Variants in ZAR1L observed in about 807,000 individuals in gnomAD.
ZAR1L encodes protein ZAR1-like.
A neutral mutation model predicts 30.0 loss-of-function variants in ZAR1L; 16 were observed. That is an observed-to-expected ratio of 0.53 (90% CI 0.36 to 0.81). The LOEUF is 0.81. Ranked by LOEUF, ZAR1L falls within the 30% of genes least tolerant of loss-of-function variation. The pLI is 0.00. For synonymous variants in ZAR1L, 197 were observed against 166.8 expected (o/e 1.18, Z -1.40); for missense variants, 392 against 417.2 (o/e 0.94, Z 0.53).
chr13:32,309,504 G>A (rs1293771653), intron 4 of ZAR1L, among the ~76,000 whole-genome samples: 1 of 152,138 alleles, frequency 6.6e-6, no homozygotes, highest in African/African-American at 2.4e-5. Flanking sequence ...TCTAGGCTTT[G>A]TGCAATTTCC....
At position 32,311,291 on chromosome 13, in the gene ZAR1L, A is replaced by G. The variant is rs1471325741; in HGVS notation, c.635T>C (p.Leu212Pro). ...QVPGDAASEP[L>P]RRPNFQFLEP... ...ATCTACCTGGAAGTTGGGCCTCCGG[A>G]GCGGCTCGGAGGCGGCGTCTCCAGG... Residue 212 changes from leucine to proline, a missense_variant, in exon 3 of 6, where the codon CTC (leucine) becomes CCC (proline). Leu to Pro is a moderately conservative substitution (Grantham distance 98, BLOSUM62 -3). Coordinates refer to ENST00000533490, the MANE Select transcript of ZAR1L (RefSeq NM_001136571.2). The G allele has an allele frequency of 1.3e-6, 2 of 1,548,818 alleles. No individual in the cohort carries two copies. The highest frequency in any genetic ancestry group is 2.0e-5 in the Admixed American group (1 of 50,824).
Position 32,311,509 on chromosome 13 carries a change from G to A in ZAR1L, c.417C>T (p.Arg139=), listed in dbSNP as rs1193339153. The part of the protein sequence containing the change: ...ACGVTSPATG[R]RGLIRLRRDG... Reference sequence around the variant, plus strand: ...CTCTCCGCAGGCGGATCAAGCCCCTGCGGCCGGTGGCGGGCGAAGTGACCC... The same window carrying A: ...CTCTCCGCAGGCGGATCAAGCCCCTACGGCCGGTGGCGGGCGAAGTGACCC... The change falls in exon 3 of 6, where the codon CGC becomes CGT. Residue 139 remains arginine, a synonymous_variant. Coordinates refer to ENST00000533490, the MANE Select transcript of ZAR1L (RefSeq NM_001136571.2). 2 of 1,538,806 alleles carry A rather than the reference G, an allele frequency of 1.3e-6. No homozygotes were observed. The highest frequency in any genetic ancestry group is 1.8e-6 in the Non-Finnish European group (2 of 1,142,198).
intron 2 of ZAR1L, among the ~76,000 whole-genome samples, chr13:32,312,619 T>C (rs1398252867): frequency 2.6e-5 from 4 of 152,148 alleles, no homozygotes; most frequent in Non-Finnish European, 4.4e-5. Flanking sequence ...GGCTCACACC[T>C]GTAATCCCAG....
At chr13:32,308,155 G>C (rs2072189574) in intron 5 of ZAR1L, among the ~76,000 whole-genome samples, 1 of 152,080 alleles carries the variant, frequency 6.6e-6, no homozygotes, top group Non-Finnish European at 1.5e-5. Flanking sequence ...TAAGGACTTA[G>C]GTTAAAAAAC....
At position 32,311,670 on chromosome 13, in the gene ZAR1L, G is replaced by T. The variant is rs1029361462; in HGVS notation, c.256C>A (p.Pro86Thr). Reference protein sequence around the residue: ...NPSLSPRLCKPNTKEVGVQVS... With the variant: ...NPSLSPRLCKTNTKEVGVQVS... Reference sequence around the variant, plus strand: ...TGCACGCCCACCTCCTTGGTGTTGGGCTTGCACAGCCGCGGGCTCAGGCTG... The same window carrying T: ...TGCACGCCCACCTCCTTGGTGTTGGTCTTGCACAGCCGCGGGCTCAGGCTG... Residue 86 changes from proline (P) to threonine (T), a missense_variant, in exon 3 of 6, where the codon CCC becomes ACC. Coordinates refer to ENST00000533490, the MANE Select transcript of ZAR1L (RefSeq NM_001136571.2). The T allele has an allele frequency of 6.4e-7, 1 of 1,551,514 alleles. No individual in the cohort carries two copies. Among genetic ancestry groups the T allele is most frequent in the Non-Finnish European group, 8.7e-7 (1 of 1,146,988 alleles).
intron 5 of ZAR1L, 58 bp downstream of exon 5, chr13:32,308,628 C>T (rs2072192394): frequency 2.3e-6 from 3 of 1,299,058 alleles, no homozygotes; most frequent in Admixed American, 4.1e-5. Flanking sequence ...CATTTTGTCA[C>T]AGAGGCTTCA....
intron 5 of ZAR1L, among the ~76,000 whole-genome samples, chr13:32,305,294 T>C (rs1434196052): frequency 6.6e-6 from 1 of 152,170 alleles, no homozygotes; most frequent in Non-Finnish European, 1.5e-5. Context: ...TGGCGCTATC[T>C]TGGCTCACTG....
In ZAR1L at chr13:32,314,476, T is replaced by TTAC. The variant is rs2072235375; in HGVS notation, c.-318_-316dup. On this transcript the variant is annotated 5_prime_UTR_variant, in exon 2 of 6. Transcript: ENST00000533490. Reference sequence around the variant, plus strand: ...CCTATTCAGCCTTGTATTAGGCATGTTACAGAACCAACGAATTCGGAGATG... The same window carrying TTAC: ...CCTATTCAGCCTTGTATTAGGCATGTTACTACAGAACCAACGAATTCGGAGATG... 6.6e-6 allele frequency: 1 copy of TTAC among 152,262 alleles called. No homozygotes were observed. Among genetic ancestry groups the TTAC allele is most frequent in the South Asian group, 2.1e-4 (1 of 4,828 alleles). 9.4% of individuals were successfully genotyped at this position (152,262 alleles called of 1,614,324 possible). A position where few individuals can be genotyped will look rare whatever the true frequency, so the allele number is the denominator to read the frequency against.
chr13:32,306,878 C>T (rs2072179205), intron 5 of ZAR1L, among the ~76,000 whole-genome samples: 1 of 127,910 alleles, frequency 7.8e-6, no homozygotes, highest in Admixed American at 9.8e-5. Context: ...TTGCAGTGAG[C>T]CAAGATCATG....
chr13:32,313,351 G>GT (rs2072227442), intron 2 of ZAR1L, among the ~76,000 whole-genome samples: 1 of 152,140 alleles, frequency 6.6e-6, no homozygotes, highest in South Asian at 2.1e-4. Context: ...GGAAATAATG[G>GT]TTTTTTGGGT....
chr13:32,313,908 T>C (rs1353909804), intron 2 of ZAR1L, among the ~76,000 whole-genome samples: 1 of 152,154 alleles, frequency 6.6e-6, no homozygotes, highest in Non-Finnish European at 1.5e-5. Context: ...CCACTCCTAG[T>C]GAGACACCCC....
rs1030646054 is a variant in ZAR1L at position 32,311,348 on chromosome 13, G to C, written c.578C>G (p.Pro193Arg). 6.4e-7 allele frequency: 1 copy of C among 1,550,814 alleles called. No individual in the cohort carries two copies. Among genetic ancestry groups the C allele is most frequent in the South Asian group, 1.2e-5 (1 of 84,062 alleles). The change falls in exon 3 of 6, where the codon CCG (proline) becomes CGG (arginine). Residue 193 changes from proline to arginine, a missense_variant. By Grantham distance (103) the Pro-to-Arg change is moderately radical (BLOSUM62 -2). Coordinates refer to ENST00000533490, the MANE Select transcript of ZAR1L (RefSeq NM_001136571.2). ...QLEESGEKDA[P>R]CPQETKSKQV... Reference sequence around the variant, plus strand: ...CTTGCTCTTCGTCTCCTGAGGGCACGGGGCGTCTTTCTCCCCCGATTCCTC... The same window carrying C: ...CTTGCTCTTCGTCTCCTGAGGGCACCGGGCGTCTTTCTCCCCCGATTCCTC...
intron 5 of ZAR1L, 132 bp from the exon 6 acceptor site, chr13:32,304,154 C>T: frequency 4.6e-6 from 4 of 873,204 alleles, no homozygotes; most frequent in African/African-American, 1.7e-5. Flanking sequence ...ACGAGAAGGC[C>T]AAGACCAAGT....
chr13:32,311,252 A>T lies in ZAR1L; in HGVS notation c.654+20T>A. 6.5e-7 allele frequency: 1 copy of T among 1,534,272 alleles called. No individual in the cohort carries two copies. Among genetic ancestry groups the T allele is most frequent in the Non-Finnish European group, 8.8e-7 (1 of 1,139,048 alleles). ...GGATGAGGCTGGTCGAGGACTAAGA[A>T]GAGGGAAGAGAGGATCTACCTGGAA... On this transcript the variant is annotated intron_variant, in intron 3 of 5. Transcript: ENST00000533490.
chr13:32,306,788 G>A (rs143462718), intron 5 of ZAR1L, among the ~76,000 whole-genome samples: 6,130 of 151,766 alleles, frequency 0.04, 397 homozygotes, highest in African/African-American at 0.14. Flanking sequence ...AAAATTAGCC[G>A]GGCGTGGTGG....
Position 32,310,722 on chromosome 13 carries a change from G to A in ZAR1L, c.664C>T (p.Pro222Ser). Reference sequence around the variant, plus strand: ...TTACAGTGGAAATAGCCATATTTTGGTTCCAAAAACTGAAAATAAAGAAGA... The same window carrying A: ...TTACAGTGGAAATAGCCATATTTTGATTCCAAAAACTGAAAATAAAGAAGA... ...LRRPNFQFLE[P>S]KYGYFHCKDC... The change falls in exon 4 of 6, where the codon CCA becomes TCA. Residue 222 changes from proline to serine, a missense_variant. Pro to Ser is a moderately conservative substitution (Grantham distance 74, BLOSUM62 -1). Transcript: ENST00000533490. The A allele has an allele frequency of 1.3e-6, 2 of 1,550,598 alleles. No individual in the cohort carries two copies. Among genetic ancestry groups the A allele is most frequent in the Non-Finnish European group, 1.7e-6 (2 of 1,146,160 alleles).
Position 32,303,742 on chromosome 13 carries a change from T to C in ZAR1L, c.*137A>G. 1.3e-6 allele frequency: 1 copy of C among 795,486 alleles called. No homozygotes were observed. The highest frequency in any genetic ancestry group is 2.4e-4 in the Middle Eastern group (1 of 4,196). The allele number at this position is 795,486 out of a possible 1,614,324, so 49.3% of individuals were successfully genotyped here. ...ATTTTATTCTATTCACATTGTACAA[T>C]TGTTACACAATCTACAAAAAGTACA... On this transcript the variant is annotated 3_prime_UTR_variant, in exon 6 of 6. Coordinates refer to ENST00000533490, the MANE Select transcript of ZAR1L (RefSeq NM_001136571.2).
At position 32,311,364 on chromosome 13, in the gene ZAR1L, C is replaced by T. The variant is rs1181080014; in HGVS notation, c.562G>A (p.Gly188Arg). Residue 188 changes from glycine to arginine, a missense_variant, in exon 3 of 6, where the codon GGG becomes AGG. Coordinates refer to ENST00000533490, the MANE Select transcript of ZAR1L (RefSeq NM_001136571.2). The stretch of plus-strand genomic sequence containing the variant: ...TGAGGGCACGGGGCGTCTTTCTCCC[C>T]CGATTCCTCCAGCTGCCCGGGCTCC... The part of the protein sequence containing the change: ...QEEPGQLEES[G>R]EKDAPCPQET... 3.9e-6 allele frequency: 6 copies of T among 1,550,974 alleles called. No homozygotes were observed. Among genetic ancestry groups the T allele is most frequent in the Non-Finnish European group, 4.4e-6 (5 of 1,146,978 alleles).
chr13:32,312,876 C>T (rs1347685941), intron 2 of ZAR1L, among the ~76,000 whole-genome samples: 1 of 151,982 alleles, frequency 6.6e-6, no homozygotes, highest in Non-Finnish European at 1.5e-5. Flanking sequence ...AGAAAGACTC[C>T]GTCTCAAACA....
Sources: allele counts gnomAD v4.1 joint callset (sites outside exome capture counted in the v4.1 genomes callset), GRCh38; gene constraint gnomAD v4.1.1; transcripts MANE v1.5; gene names NCBI Gene and HGNC (gene_info 2026-07-23, HGNC 2026-07-21).